The following TIPARP variants were observed in gnomAD, a reference collection of about 807,000 sequenced individuals.
The protein encoded by TIPARP is TCDD inducible poly(ADP-ribose) polymerase.
A neutral mutation model predicts 56.5 loss-of-function variants in TIPARP; 12 were observed. That is an observed-to-expected ratio of 0.21 (90% CI 0.14 to 0.34). The LOEUF is 0.34. Ranked by LOEUF, TIPARP falls within the 10% of genes least tolerant of loss-of-function variation. The pLI, the probability that TIPARP is intolerant of heterozygous loss-of-function variation, is 1.00. For synonymous variants in TIPARP, 296 were observed against 265.7 expected (o/e 1.11, Z -1.11); for missense variants, 604 against 781.6 (o/e 0.77, Z 2.71).
In TIPARP at chr3:156,703,601, G is replaced by C; in HGVS notation, c.1425G>C (p.Arg475=). The C allele has an allele frequency of 6.2e-7, 1 of 1,614,168 alleles. No homozygotes were observed. The highest frequency in any genetic ancestry group is 8.5e-7 in the Non-Finnish European group (1 of 1,180,032). ...VPVSAEDKSY[R]IIYNLFHKTV... Reference sequence around the variant, plus strand: ...TTTCTGCAGAGGATAAAAGTTATCGGATCATTTACAATCTTTTTCATAAGA... The same window carrying C: ...TTTCTGCAGAGGATAAAAGTTATCGCATCATTTACAATCTTTTTCATAAGA... Residue 475 remains arginine (R), a synonymous_variant, in exon 5 of 6, where the codon CGG becomes CGC. Coordinates refer to ENST00000295924, the MANE Select transcript of TIPARP (RefSeq NM_015508.5).
At chr3:156,681,711 T>G (rs1452872707) in intron 2 of TIPARP, among the ~76,000 whole-genome samples, 1 of 152,214 alleles carries the variant, frequency 6.6e-6, no homozygotes, top group Non-Finnish European at 1.5e-5. Flanking sequence ...TAATACATGC[T>G]TATTTGTTCC....
At chr3:156,704,009 T>A in intron 5 of TIPARP, among the ~76,000 whole-genome samples, 1 of 46,144 alleles carries the variant, frequency 2.2e-5, no homozygotes. Flanking sequence ...CCAGACTCCG[T>A]CTCAAAAAAA....
intron 3 of TIPARP, 57 bp from the exon 4 acceptor site, chr3:156,695,808 C>G: frequency 1.3e-6 from 2 of 1,487,116 alleles, no homozygotes; most frequent in East Asian, 4.9e-5. Context: ...TCATTTTTAA[C>G]CATGATTATT....
intron 2 of TIPARP, among the ~76,000 whole-genome samples, chr3:156,678,969 T>A (rs1722223437): frequency 6.6e-6 from 1 of 152,218 alleles, no homozygotes; most frequent in Non-Finnish European, 1.5e-5. Flanking sequence ...ATAATGAATC[T>A]CCTAATTTAT....
At chr3:156,679,127 T>C (rs967636957) in intron 2 of TIPARP, among the ~76,000 whole-genome samples, 1 of 152,202 alleles carries the variant, frequency 6.6e-6, no homozygotes, top group Non-Finnish European at 1.5e-5. Context: ...CTTCTGGATC[T>C]TTTATTAGTT....
chr3:156,704,705 G>A lies in TIPARP; in HGVS notation c.1548G>A (p.Arg516=), dbSNP rs34183784. 3.9e-4 allele frequency: 622 copies of A among 1,613,702 alleles called. 2 individuals are homozygous for A. In the African/African-American group the frequency reaches 7.4e-3, roughly 19 times the overall value. Residue 516 remains arginine, a synonymous_variant, in exon 6 of 6, where the codon AGG becomes AGA. Transcript: ENST00000295924. ...TTAGGAAAAAGGAATATATGAACAGGAAAATGTTTGGCCGTGACAGGATAA... is the reference window on the plus strand; with the variant it reads ...TTAGGAAAAAGGAATATATGAACAGAAAAATGTTTGGCCGTGACAGGATAA... The part of the protein sequence containing the change: ...KYKRKKEYMN[R]KMFGRDRIIN...
chr3:156,692,236 A>G (rs1048520787), intron 2 of TIPARP, among the ~76,000 whole-genome samples: 6 of 152,168 alleles, frequency 3.9e-5, no homozygotes, highest in Admixed American at 3.9e-4. Flanking sequence ...TTTTTATCTC[A>G]CTTCCCAATC....
chr3:156,695,721 C>T, intron 3 of TIPARP, 144 bp from the exon 4 acceptor site: 1 of 1,141,776 alleles, frequency 8.8e-7, no homozygotes, highest in Non-Finnish European at 1.2e-6. Context: ...AAAATCTTAG[C>T]ATATAAAGGG....
intron 4 of TIPARP, among the ~76,000 whole-genome samples, chr3:156,700,969 A>G (rs772378114): frequency 3.9e-5 from 6 of 152,254 alleles, no homozygotes; most frequent in Admixed American, 2.6e-4. Context: ...AGTGAATACA[A>G]ACTCATTCTC....
Position 156,694,128 on chromosome 3 carries a change from T to G in TIPARP, c.1026T>G (p.Ile342Met). 6.2e-7 allele frequency: 1 copy of G among 1,613,512 alleles called. No homozygotes were observed. Among genetic ancestry groups the G allele is most frequent in the Non-Finnish European group, 8.5e-7 (1 of 1,179,692 alleles). The change falls in exon 3 of 6, where the codon ATT becomes ATG. Residue 342 changes from isoleucine to methionine, a missense_variant. By Grantham distance (10) the Ile-to-Met change is conservative. Coordinates refer to ENST00000295924, the MANE Select transcript of TIPARP (RefSeq NM_015508.5). Reference protein sequence around the residue: ...STPPSSNVNSIYHTVWKFFCR... With the variant: ...STPPSSNVNSMYHTVWKFFCR... The stretch of plus-strand genomic sequence containing the variant: ...CACCCTCTAGCAATGTCAACTCTAT[T>G]TACCACACAGTCTGGAAATTCTTCT...
intron 2 of TIPARP, among the ~76,000 whole-genome samples, chr3:156,679,877 TCTGA>T (rs1472262329): frequency 6.6e-6 from 1 of 152,236 alleles, no homozygotes; most frequent in Non-Finnish European, 1.5e-5. Flanking sequence ...CCTTCTGAAT[TCTGA>T]CTGGTGCCCA....
rs774410852 is a variant in TIPARP, at chr3:156,705,558, C to G, written c.*427C>G. On this transcript the variant is annotated 3_prime_UTR_variant, in exon 6 of 6. Coordinates refer to ENST00000295924, the MANE Select transcript of TIPARP (RefSeq NM_015508.5). ...TTACGTTTGATAAAACTTACTGGAACTAGTACTACCATGCGTATTCCCTGT... is the reference window on the plus strand; with the variant it reads ...TTACGTTTGATAAAACTTACTGGAAGTAGTACTACCATGCGTATTCCCTGT... 5 of 160,720 alleles carry G rather than the reference C, an allele frequency of 3.1e-5. No individual in the cohort carries two copies. Among genetic ancestry groups the G allele is most frequent in the Non-Finnish European group, 6.9e-5 (5 of 72,900 alleles). 10.0% of individuals were successfully genotyped at this position (160,720 alleles called of 1,614,324 possible). A position where few individuals can be genotyped will look rare whatever the true frequency, so the allele number is the denominator to read the frequency against.
intron 2 of TIPARP, among the ~76,000 whole-genome samples, chr3:156,693,241 G>A (rs1722623090): frequency 6.6e-6 from 1 of 152,120 alleles, no homozygotes; most frequent in African/African-American, 2.4e-5. Context: ...AACTCTAGGT[G>A]AAGTTCCATA....
In TIPARP at chr3:156,704,848, A is replaced by G; in HGVS notation, c.1691A>G (p.Tyr564Cys). Reference protein sequence around the residue: ...KHATMFGQGSYFAKKASYSHN... With the variant: ...KHATMFGQGSCFAKKASYSHN... ...GCTACAATGTTTGGACAAGGCAGTT[A>G]TTTTGCAAAGAAGGCAAGCTACTCT... The change falls in exon 6 of 6, where the codon TAT becomes TGT. Residue 564 changes from tyrosine (Y) to cysteine (C), a missense_variant. Transcript: ENST00000295924. 1 of 1,614,216 alleles carries G rather than the reference A, an allele frequency of 6.2e-7. No homozygotes were observed. Among genetic ancestry groups the G allele is most frequent in the Non-Finnish European group, 8.5e-7 (1 of 1,180,032 alleles).
At chr3:156,700,975 T>TTCTC (rs374531681) in intron 4 of TIPARP, among the ~76,000 whole-genome samples, 14 of 152,244 alleles carry the variant, frequency 9.2e-5, no homozygotes, top group African/African-American at 3.1e-4. Flanking sequence ...TACAAACTCA[T>TTCTC]TCTCAGAAAA....
rs1485707716 is a variant in TIPARP at position 156,681,979 on chromosome 3, T to A, written c.917+3365T>A. 3.3e-5 allele frequency among the ~76,000 whole-genome samples: 5 copies of A among 152,148 alleles called. No homozygotes were observed. In the East Asian group the frequency reaches 9.6e-4, roughly 29 times the overall value. ...GAACAGTGTAGGCACTCATCCTTAG[T>A]AGACGATGACATTGGATGGCAGAAT... is the stretch of plus-strand genomic sequence containing the variant. On this transcript the variant is annotated intron_variant, in intron 2 of 5. Coordinates refer to ENST00000295924, the MANE Select transcript of TIPARP (RefSeq NM_015508.5).
At chr3:156,685,343 G>A (rs1422277782) in intron 2 of TIPARP, among the ~76,000 whole-genome samples, 1 of 152,186 alleles carries the variant, frequency 6.6e-6, no homozygotes, top group Non-Finnish European at 1.5e-5. Flanking sequence ...AAGAACCTTT[G>A]CATGGTCATC....
chr3:156,700,098 T>G (rs908721856), intron 4 of TIPARP, among the ~76,000 whole-genome samples: 4 of 151,840 alleles, frequency 2.6e-5, no homozygotes, highest in Non-Finnish European at 5.9e-5. Context: ...TATTTTTTAT[T>G]TTTTATATTT....
intron 2 of TIPARP, 84 bp downstream of exon 2, chr3:156,678,698 T>C: frequency 8.1e-7 from 1 of 1,228,786 alleles, no homozygotes; most frequent in Non-Finnish European, 1.1e-6. Context: ...GGGTGGTTTC[T>C]TTCAGTAGTA....
Sources: gnomAD v4.1 joint callset for allele counts (sites outside exome capture counted in the v4.1 genomes callset) on GRCh38, gnomAD v4.1.1 for gene constraint, MANE v1.5 for transcripts, NCBI Gene and HGNC (gene_info 2026-07-23, HGNC 2026-07-21) for gene names.